Variants in HOMEZ observed in about 807,000 individuals in gnomAD.
The protein encoded by HOMEZ is homeobox and leucine zipper encoding, also known as homeobox and leucine zipper protein Homez.
HOMEZ carries 20 observed loss-of-function variants against 50.1 expected under a neutral mutation model. The observed-to-expected ratio is 0.40, with a 90% confidence interval of 0.28 to 0.58. The LOEUF (loss-of-function observed/expected upper bound fraction) is 0.58. HOMEZ is among the 20% of genes least tolerant of loss of function. The probability of loss-of-function intolerance (pLI) is 0.46; values close to 1 mark genes in which losing one functional copy is unlikely to be tolerated. For missense variants in HOMEZ, 579 were observed against 680.5 expected (o/e 0.85, Z 1.66); for synonymous variants, 239 against 254.7 (o/e 0.94, Z 0.59).
intron 1 of HOMEZ, among the ~76,000 whole-genome samples, chr14:23,283,928 T>C (rs868165893): frequency 1.3e-5 from 2 of 151,952 alleles, no homozygotes; most frequent in South Asian, 2.1e-4. Context: ...GGAGATGAGA[T>C]ATGATCCTTT....
rs752125421 is a variant in HOMEZ, at chr14:23,275,599, A to G, written c.1629T>C (p.Asp543=). 1.3e-6 allele frequency: 2 copies of G among 1,533,120 alleles called. No individual in the cohort carries two copies. The highest frequency in any genetic ancestry group is 2.4e-5 in the South Asian group (2 of 82,320). The allele number at this position is 1,533,120 out of a possible 1,614,324, so 95.0% of individuals were successfully genotyped here. ...CTCAGTCTTGTATGATCACATCATC[A>G]TCATCATCATCATCATCTTCCTCCT... ...EEEEEDDDDD[D]DDVIIQD is the part of the protein sequence containing the mutation. The change falls in exon 2 of 2, where the codon GAT becomes GAC. Residue 543 remains aspartate (D), a synonymous_variant. Coordinates refer to ENST00000357460, the MANE Select transcript of HOMEZ (RefSeq NM_020834.3).
chr14:23,276,577 T>C lies in HOMEZ; in HGVS notation c.651A>G (p.Ser217=). The change falls in exon 2 of 2, where the codon TCA becomes TCG. Residue 217 remains serine (S), a synonymous_variant. Coordinates refer to ENST00000357460, the MANE Select transcript of HOMEZ (RefSeq NM_020834.3). The surrounding 1 kb of genome is among the most constrained non-coding windows in gnomAD (Gnocchi z 4.1). ...TGCTTTGAAGATGTTGCCAAAAATC[T>C]GATTGGTAGGGGAATGCTCCACTGC... ...TPGSGAFPYQ[S]DFWQHLQSSG... is the part of the protein sequence containing the mutation. 1 of 1,614,050 alleles carries C rather than the reference T, an allele frequency of 6.2e-7. No individual in the cohort carries two copies. Among genetic ancestry groups the C allele is most frequent in the South Asian group, 1.1e-5 (1 of 91,084 alleles).
intron 1 of HOMEZ, among the ~76,000 whole-genome samples, chr14:23,278,992 A>AT (rs57019278): frequency 0.51 from 75,488 of 148,216 alleles, 19,610 homozygotes; most frequent in African/African-American, 0.63. Context: ...GTTAATAACT[A>AT]TTTTTTTTTT....
rs1022833623 is a variant in HOMEZ, at chr14:23,273,530, A to C, written c.*2045T>G. ...GGTGGAATGGGCGAACAACACTATC[A>C]CTGAGATCAAACATGTATTCTACTT... On this transcript the variant is annotated 3_prime_UTR_variant, in exon 2 of 2. Transcript: ENST00000357460. The C allele has an allele frequency of 2.6e-5, 4 of 152,206 alleles. No homozygotes were observed. Among genetic ancestry groups the C allele is most frequent in the Non-Finnish European group, 5.9e-5 (4 of 68,030 alleles). 9.4% of individuals were successfully genotyped at this position (152,206 alleles called of 1,614,324 possible).
intron 1 of HOMEZ, 147 bp from the exon 2 acceptor site, chr14:23,277,334 C>T (rs966389862): frequency 1.3e-6 from 1 of 787,942 alleles, no homozygotes; most frequent in East Asian, 2.8e-5. Context: ...TCAACAATTT[C>T]TTATTTAATT....
chr14:23,277,884 C>T (rs1294191713), intron 1 of HOMEZ, among the ~76,000 whole-genome samples: 1 of 152,024 alleles, frequency 6.6e-6, no homozygotes, highest in Non-Finnish European at 1.5e-5. Flanking sequence ...GGCTGGAGTG[C>T]AGTGGCATGA....
Position 23,286,075 on chromosome 14 carries a change from C to G in HOMEZ, c.-123G>C. 24 of 1,230,496 alleles carry G rather than the reference C, an allele frequency of 2.0e-5. No individual in the cohort carries two copies. Among genetic ancestry groups the G allele is most frequent in the Non-Finnish European group, 2.4e-5 (24 of 987,018 alleles). 76.2% of individuals were successfully genotyped at this position (1,230,496 alleles called of 1,614,324 possible). A position where few individuals can be genotyped will look rare whatever the true frequency, so the allele number is the denominator to read the frequency against. On this transcript the variant is annotated 5_prime_UTR_variant, in exon 1 of 2. Coordinates refer to ENST00000357460, the MANE Select transcript of HOMEZ (RefSeq NM_020834.3). ...AAACCGGGACTGCCCCCCCCACCGT[C>G]CCCGGGAGCGCGCCGGTCTACCCAG...
At position 23,276,861 on chromosome 14, in the gene HOMEZ, G is replaced by A. The variant is rs761496469; in HGVS notation, c.367C>T (p.Arg123Ter). 2.5e-6 allele frequency: 4 copies of A among 1,613,932 alleles called. No individual in the cohort carries two copies. Among genetic ancestry groups the A allele is most frequent in the Admixed American group, 3.3e-5 (2 of 60,010 alleles). The change falls in exon 2 of 2, where the codon CGA becomes TGA. Residue 123 changes from arginine to a stop codon, truncating the protein, a stop_gained. Coordinates refer to ENST00000357460, the MANE Select transcript of HOMEZ (RefSeq NM_020834.3). LOFTEE classifies it high-confidence loss of function. This position sits in a 1 kb window ranked among gnomAD's most constrained non-coding sequence, Gnocchi z 4.1. ...TCCCGACGGTAGACTACTCGGGCTCGAGTCTCTTCTATTTCTTCAGATGAC... is the reference window on the plus strand; with the variant it reads ...TCCCGACGGTAGACTACTCGGGCTCAAGTCTCTTCTATTTCTTCAGATGAC... ...SWSSEEIEET[R>*]ARVVYRRDQL...
intron 1 of HOMEZ, chr14:23,285,057 G>A (rs1189295009): frequency 6.6e-6 from 1 of 152,184 alleles, no homozygotes; most frequent in African/African-American, 2.4e-5. Flanking sequence ...ACTCTGAACA[G>A]CAGTCTTAGA....
At chr14:23,283,911 A>G (rs1264344572) in intron 1 of HOMEZ, among the ~76,000 whole-genome samples, 1 of 152,116 alleles carries the variant, frequency 6.6e-6, no homozygotes, top group Non-Finnish European at 1.5e-5. Flanking sequence ...ATAAATAAAT[A>G]AAAGTGGGAG....
At chr14:23,281,113 G>A (rs2140507792) in intron 1 of HOMEZ, among the ~76,000 whole-genome samples, 1 of 152,228 alleles carries the variant, frequency 6.6e-6, no homozygotes, top group African/African-American at 2.4e-5. Context: ...GCTAAGGACA[G>A]GACAGGATTC....
chr14:23,280,725 ATTTTATTT>A (rs1308979212), intron 1 of HOMEZ, among the ~76,000 whole-genome samples: 6 of 68,728 alleles, frequency 8.7e-5, no homozygotes, highest in Non-Finnish European at 1.7e-4. Context: ...ATTTTATTTT[ATTTTATTT>A]TATTTTATTA....
In HOMEZ at chr14:23,272,504, A is replaced by G. The variant is rs1741624061; in HGVS notation, c.*3071T>C. 3.0e-6 allele frequency: 1 copy of G among 335,174 alleles called. No individual in the cohort carries two copies. The highest frequency in any genetic ancestry group is 5.5e-6 in the Non-Finnish European group (1 of 180,238). 20.8% of individuals were successfully genotyped at this position (335,174 alleles called of 1,614,324 possible). On this transcript the variant is annotated 3_prime_UTR_variant, in exon 2 of 2. Coordinates refer to ENST00000357460, the MANE Select transcript of HOMEZ (RefSeq NM_020834.3). Reference sequence around the variant, plus strand: ...ATTGAAGGAAATGCCACCTCCTCAGAGGCCTAAGAACTCTGCCTCCCTGGT... The same window carrying G: ...ATTGAAGGAAATGCCACCTCCTCAGGGGCCTAAGAACTCTGCCTCCCTGGT...
rs1555323547 is a variant in HOMEZ at position 23,280,710 on chromosome 14, T to TA, written c.41-3524_41-3523insT. ...TTTTATTTTTATTTTTATATTTTTA[T>TA]TTTTATTTTATTTTATTTTATTTTA... On this transcript the variant is annotated intron_variant, in intron 1 of 1. Transcript: ENST00000357460. Among the ~76,000 whole-genome samples, 95 of 62,098 alleles carry TA rather than the reference T, an allele frequency of 1.5e-3. 8 individuals are homozygous for TA. Among genetic ancestry groups the TA allele is most frequent in the Admixed American group, 2.4e-3 (12 of 5,008 alleles). The allele number at this position is 62,098 out of a possible 152,430, so 40.7% of individuals were successfully genotyped here.
Position 23,275,407 on chromosome 14 carries a change from T to G in HOMEZ, c.*168A>C. 1.3e-6 allele frequency: 1 copy of G among 779,452 alleles called. No homozygotes were observed. The highest frequency in any genetic ancestry group is 2.0e-6 in the Non-Finnish European group (1 of 500,600). 48.3% of individuals were successfully genotyped at this position (779,452 alleles called of 1,614,324 possible). ...AGCCTTACTTAGTGCCCTATGGTCA[T>G]TCTCCCTGGTCCACCCTCACTATAT... On this transcript the variant is annotated 3_prime_UTR_variant, in exon 2 of 2. Transcript: ENST00000357460.
At position 23,276,191 on chromosome 14, in the gene HOMEZ, G is replaced by C; in HGVS notation, c.1037C>G (p.Pro346Arg). 6.2e-7 allele frequency: 1 copy of C among 1,613,966 alleles called. No homozygotes were observed. Among genetic ancestry groups the C allele is most frequent in the African/African-American group, 1.3e-5 (1 of 75,030 alleles). Reference protein sequence around the residue: ...RHNSVPGRVGPTEYLSPDMQR... With the variant: ...RHNSVPGRVGRTEYLSPDMQR... ...CATATCTGGGGAAAGGTACTCTGTGGGGCCAACTCTACCTGGTACTGAGTT... is the reference window on the plus strand; with the variant it reads ...CATATCTGGGGAAAGGTACTCTGTGCGGCCAACTCTACCTGGTACTGAGTT... Residue 346 changes from proline (P) to arginine (R), a missense_variant, in exon 2 of 2, where the codon CCC becomes CGC. Transcript: ENST00000357460. This position sits in a 1 kb window ranked among gnomAD's most constrained non-coding sequence, Gnocchi z 4.1.
chr14:23,274,289 A>G lies in HOMEZ; in HGVS notation c.*1286T>C, dbSNP rs1886284354. 1 of 152,586 alleles carries G rather than the reference A, an allele frequency of 6.6e-6. No homozygotes were observed. The highest frequency in any genetic ancestry group is 1.5e-5 in the Non-Finnish European group (1 of 68,040). 9.5% of individuals were successfully genotyped at this position (152,586 alleles called of 1,614,324 possible). On this transcript the variant is annotated 3_prime_UTR_variant, in exon 2 of 2. Coordinates refer to ENST00000357460, the MANE Select transcript of HOMEZ (RefSeq NM_020834.3). Reference sequence around the variant, plus strand: ...TTTTCTGGAAACAAATTGACAGCAAAAAGATGAAAAATTAGTCTCTGTCAA... The same window carrying G: ...TTTTCTGGAAACAAATTGACAGCAAGAAGATGAAAAATTAGTCTCTGTCAA...
intron 1 of HOMEZ, among the ~76,000 whole-genome samples, chr14:23,281,710 T>G (rs2140508196): frequency 6.6e-6 from 1 of 151,904 alleles, no homozygotes; most frequent in South Asian, 2.1e-4. Context: ...ATGCCTGTAA[T>G]GCCAACACCT....
chr14:23,274,473 T>C lies in HOMEZ; in HGVS notation c.*1102A>G, dbSNP rs568845284. 3.9e-5 allele frequency: 6 copies of C among 152,688 alleles called. No individual in the cohort carries two copies. The highest frequency in any genetic ancestry group is 1.9e-4 in the East Asian group (1 of 5,184). The allele number at this position is 152,688 out of a possible 1,614,324, so 9.5% of individuals were successfully genotyped here. ...CCCTAATTACCACCTCCAATAAATA[T>C]CCATTCTAAATTATTCTCCACCCAA... On this transcript the variant is annotated 3_prime_UTR_variant, in exon 2 of 2. Transcript: ENST00000357460.
Sources: gnomAD v4.1 joint callset for allele counts (sites outside exome capture counted in the v4.1 genomes callset) on GRCh38, gnomAD v4.1.1 for gene constraint, Gnocchi (gnomAD v3.1) non-coding constraint, MANE v1.5 for transcripts, NCBI Gene and HGNC (gene_info 2026-07-23, HGNC 2026-07-21) for gene names.